Variants in CHRNA7 observed in about 807,000 individuals in gnomAD.
CHRNA7 encodes the protein cholinergic receptor nicotinic alpha 7 subunit, also known as neuronal acetylcholine receptor subunit alpha-7.
A neutral mutation model predicts 48.0 loss-of-function variants in CHRNA7; 17 were observed. That is an observed-to-expected ratio of 0.35 (90% CI 0.24 to 0.53). The LOEUF (loss-of-function observed/expected upper bound fraction) is 0.53, where lower values mean the gene tolerates loss of function less well. Among genes scored for constraint, CHRNA7 ranks in the 20% least tolerant of loss-of-function variants. CHRNA7 has a pLI of 0.92. For missense variants in CHRNA7, 155 were observed against 577.7 expected (o/e 0.27, Z 7.50); for synonymous variants, 75 against 242.3 (o/e 0.31, Z 6.41).
At chr15:32,127,105 G>A (rs528953613) in intron 4 of CHRNA7, among the ~76,000 whole-genome samples, 1 of 152,204 alleles carries the variant, frequency 6.6e-6, no homozygotes, top group Admixed American at 6.5e-5. Context: ...TGTCATTGTG[G>A]CATTTCAAGA....
intron 4 of CHRNA7, among the ~76,000 whole-genome samples, chr15:32,144,685 C>T (rs1440200726): frequency 6.6e-6 from 1 of 152,284 alleles, no homozygotes; most frequent in African/African-American, 2.4e-5. Flanking sequence ...ACACTGATAT[C>T]CTTTCTTCCA....
At chr15:32,075,368 A>C (rs2050121144) in intron 2 of CHRNA7, among the ~76,000 whole-genome samples, 1 of 152,190 alleles carries the variant, frequency 6.6e-6, no homozygotes, top group Non-Finnish European at 1.5e-5. Context: ...TTACAATTTC[A>C]GCATCTTTAA....
At chr15:32,101,226 C>A in intron 2 of CHRNA7, 77 bp from the exon 3 acceptor site, 1 of 1,475,478 alleles carries the variant, frequency 6.8e-7, no homozygotes, top group Non-Finnish European at 9.3e-7. Flanking sequence ...CAGTCAGATC[C>A]CCATGTGAAT....
At chr15:32,100,040 CAT>C (rs1475896260) in intron 2 of CHRNA7, 1 of 152,236 alleles carries the variant, frequency 6.6e-6, no homozygotes, top group Non-Finnish European at 1.5e-5. Flanking sequence ...AGGTGCCCAA[CAT>C]GTGAGCAACT....
intron 2 of CHRNA7, among the ~76,000 whole-genome samples, chr15:32,081,818 C>G (rs1385087086): frequency 6.6e-6 from 1 of 152,102 alleles, no homozygotes; most frequent in Admixed American, 6.6e-5. Flanking sequence ...ATATTTTTCC[C>G]TGCTTTCTCT....
intron 3 of CHRNA7, among the ~76,000 whole-genome samples, chr15:32,105,746 T>C (rs1201195786): frequency 1.3e-5 from 2 of 152,190 alleles, no homozygotes; most frequent in Non-Finnish European, 2.9e-5. Flanking sequence ...TGCCTACCGA[T>C]TGAGAAACAT....
At chr15:32,107,051 A>C (rs2050681832) in intron 3 of CHRNA7, among the ~76,000 whole-genome samples, 2 of 152,174 alleles carry the variant, frequency 1.3e-5, no homozygotes, top group Admixed American at 1.3e-4. Flanking sequence ...CGTCAGGGTC[A>C]GTGGGGTGGA....
intron 2 of CHRNA7, among the ~76,000 whole-genome samples, chr15:32,095,692 C>T (rs57845061): frequency 0.023 from 3,562 of 152,220 alleles, 132 homozygotes; most frequent in African/African-American, 0.082. Flanking sequence ...AGGGAAATAA[C>T]GTCTAACCAT....
At chr15:32,112,504 G>C in intron 4 of CHRNA7, 1 of 356,640 alleles carries the variant, frequency 2.8e-6, no homozygotes, top group South Asian at 2.1e-5. Flanking sequence ...TTGCAGACCA[G>C]ATGCCTAAAA....
intron 2 of CHRNA7, 32 bp downstream of exon 2, chr15:32,031,069 T>C (rs1317345200): frequency 3.1e-6 from 5 of 1,611,894 alleles, no homozygotes; most frequent in South Asian, 1.1e-5. Context: ...GGCTGCCCTC[T>C]CCCCTTCCTG....
intron 2 of CHRNA7, among the ~76,000 whole-genome samples, chr15:32,039,068 T>C (rs895827221): frequency 1.3e-5 from 2 of 152,202 alleles, no homozygotes; most frequent in African/African-American, 4.8e-5. Context: ...TCATAGTATT[T>C]ATTTGTTATC....
intron 4 of CHRNA7, among the ~76,000 whole-genome samples, chr15:32,143,271 C>T (rs750617801): frequency 1.3e-5 from 2 of 152,214 alleles, no homozygotes; most frequent in Non-Finnish European, 2.9e-5. Context: ...TTTGATTGCA[C>T]TGTGGTCTGA....
rs1003582825 is a variant in CHRNA7 at position 32,149,316 on chromosome 15, G to A, written c.351-4591G>A. Among the ~76,000 whole-genome samples the A allele has an allele frequency of 2.0e-5, 3 of 152,212 alleles. No homozygotes were observed. The highest frequency in any genetic ancestry group is 4.4e-5 in the Non-Finnish European group (3 of 68,034). On this transcript the variant is annotated intron_variant, in intron 4 of 9. Transcript: ENST00000306901. The surrounding 1 kb of genome is among the most constrained non-coding windows in gnomAD (Gnocchi z 4.6). ...TATGGGTGTTTGCCAGCACAGGGCT[G>A]CCCAGCACTGGTGAGGGGGTCACTG...
intron 4 of CHRNA7, among the ~76,000 whole-genome samples, chr15:32,121,003 C>T (rs957610533): frequency 3.3e-5 from 5 of 152,194 alleles, no homozygotes; most frequent in East Asian, 1.9e-4. Context: ...GGTCCCTGCG[C>T]GTGTCCACTG....
intron 3 of CHRNA7, among the ~76,000 whole-genome samples, chr15:32,103,818 C>T (rs1444409263): frequency 1.3e-5 from 2 of 152,188 alleles, no homozygotes; most frequent in Non-Finnish European, 2.9e-5. Flanking sequence ...GCCATGGATC[C>T]ATTGGCTCAA....
intron 4 of CHRNA7, among the ~76,000 whole-genome samples, chr15:32,142,570 C>T (rs1468550830): frequency 3.3e-5 from 5 of 152,146 alleles, no homozygotes; most frequent in African/African-American, 1.2e-4. Flanking sequence ...GGTTGGTAGG[C>T]TATTAATTAT....
chr15:32,043,960 A>G (rs576927673), intron 2 of CHRNA7, among the ~76,000 whole-genome samples: 1 of 152,310 alleles, frequency 6.6e-6, no homozygotes, highest in South Asian at 2.1e-4. Flanking sequence ...GGTTAGTTAC[A>G]GCACTTTTAT....
At chr15:32,048,808 G>A (rs941796870) in intron 2 of CHRNA7, among the ~76,000 whole-genome samples, 2 of 151,836 alleles carry the variant, frequency 1.3e-5, no homozygotes, top group Non-Finnish European at 2.9e-5. Context: ...TGGGCATTTA[G>A]TGCTATAAAT....
At chr15:32,030,768 A>G (rs1197401147) in intron 1 of CHRNA7, 119 bp downstream of exon 1, 2 of 1,505,750 alleles carry the variant, frequency 1.3e-6, no homozygotes, top group East Asian at 5.1e-5. Context: ...GGGGAGGGGC[A>G]GCGGGGGCGC....
Sources: gnomAD v4.1 joint callset for allele counts (sites outside exome capture counted in the v4.1 genomes callset) on GRCh38, gnomAD v4.1.1 for gene constraint, Gnocchi (gnomAD v3.1) non-coding constraint, MANE v1.5 for transcripts, NCBI Gene and HGNC (gene_info 2026-07-23, HGNC 2026-07-21) for gene names.